LRRC37A2: variants seen among roughly 807,000 people sequenced by gnomAD.
LRRC37A2 encodes leucine rich repeat containing 37 member A2, also known as leucine-rich repeat-containing protein 37A2.
LRRC37A2 carries 9 observed loss-of-function variants against 68.8 expected under a neutral mutation model. The observed-to-expected ratio is 0.13, with a 90% CI of 0.08 to 0.23. The LOEUF is 0.23. LRRC37A2 is among the 10% of genes least tolerant of loss of function. The probability of loss-of-function intolerance (pLI) is 1.00; values close to 1 mark genes in which losing one functional copy is unlikely to be tolerated. For missense variants in LRRC37A2, 168 were observed against 950.4 expected (o/e 0.18, Z 10.82); for synonymous variants, 63 against 367.6 (o/e 0.17, Z 9.48).
the LRRC37A2 span, among the ~76,000 whole-genome samples, chr17:46,709,741 C>T: frequency 6.6e-5 from 10 of 152,082 alleles, no homozygotes; most frequent in African/African-American, 9.7e-5. Context: ...GTGATCCACC[C>T]GCCTCAGCCT....
chr17:46,957,029 C>T, the LRRC37A2 span, among the ~76,000 whole-genome samples: 1 of 152,242 alleles, frequency 6.6e-6, no homozygotes, highest in Admixed American at 6.5e-5. Context: ...CTCCAGAGAG[C>T]TGGGTACGGT....
chr17:46,810,175 T>G, the LRRC37A2 span, among the ~76,000 whole-genome samples: 4 of 151,808 alleles, frequency 2.6e-5, no homozygotes, highest in Non-Finnish European at 4.4e-5. Flanking sequence ...CCCAGCTAAT[T>G]TTTTGTATTT....
At chr17:46,711,122 G>A in the LRRC37A2 span, 1 of 1,492,602 alleles carries the variant, frequency 6.7e-7, no homozygotes, top group Non-Finnish European at 8.9e-7. Context: ...TCTGGAAGGT[G>A]AGAATGAATG....
chr17:46,905,780 T>TTGTGTGTGTGTG, the LRRC37A2 span, among the ~76,000 whole-genome samples: 158 of 117,040 alleles, frequency 1.3e-3, no homozygotes, highest in Admixed American at 0.011. Context: ...CTCTGTGTGT[T>TTGTGTGTGTGTG]TGTGTGTGTG....
the LRRC37A2 span, among the ~76,000 whole-genome samples, chr17:46,947,342 A>G: frequency 1.6e-4 from 24 of 152,174 alleles, no homozygotes; most frequent in African/African-American, 5.8e-4. Context: ...GGCAACCTGA[A>G]CTACCCCTGC....
the LRRC37A2 span, among the ~76,000 whole-genome samples, chr17:46,954,188 A>C: frequency 2.2e-4 from 33 of 152,230 alleles, no homozygotes; most frequent in Non-Finnish European, 3.8e-4. Context: ...GTAAGTCTTT[A>C]ATCCATCTTG....
At chr17:46,883,300 G>GTT in the LRRC37A2 span, among the ~76,000 whole-genome samples, 80 of 129,912 alleles carry the variant, frequency 6.2e-4, no homozygotes, top group Admixed American at 1.4e-3. Flanking sequence ...TTTTTCCTTT[G>GTT]TGAGATGGAG....
At chr17:46,935,169 G>A in the LRRC37A2 span, 1 of 1,614,032 alleles carries the variant, frequency 6.2e-7, no homozygotes, top group East Asian at 2.2e-5. Flanking sequence ...TGACCTTGAA[G>A]GTGGGGTCCC....
At chr17:46,534,074 C>T (rs2054159201) in intron 6 of LRRC37A2, among the ~76,000 whole-genome samples, 1 of 135,646 alleles carries the variant, frequency 7.4e-6, no homozygotes, top group East Asian at 2.1e-4. Flanking sequence ...TGCAGTGGTG[C>T]AACCACTCAC....
chr17:46,971,829 T>C, the LRRC37A2 span, among the ~76,000 whole-genome samples: 1 of 152,220 alleles, frequency 6.6e-6, no homozygotes, highest in Non-Finnish European at 1.5e-5. Flanking sequence ...AACATGTGTT[T>C]GTTCTGTGTG....
the LRRC37A2 span, among the ~76,000 whole-genome samples, chr17:46,493,578 G>T: frequency 1.4e-5 from 2 of 143,966 alleles, no homozygotes; most frequent in Admixed American, 6.9e-5. Flanking sequence ...TCGCTGTGTC[G>T]CCAGGCTGGA....
At chr17:46,976,650 C>G in the LRRC37A2 span, among the ~76,000 whole-genome samples, 1 of 152,176 alleles carries the variant, frequency 6.6e-6, no homozygotes. Flanking sequence ...GAGGAGAGTT[C>G]TCGCAGTGTT....
chr17:46,501,421 C>T, the LRRC37A2 span, among the ~76,000 whole-genome samples: 4 of 151,216 alleles, frequency 2.6e-5, no homozygotes, highest in Non-Finnish European at 4.4e-5. Context: ...ATGATCCACC[C>T]GCCTTCGCCT....
chr17:46,848,751 G>A, the LRRC37A2 span, among the ~76,000 whole-genome samples: 1 of 152,346 alleles, frequency 6.6e-6, no homozygotes, highest in South Asian at 2.1e-4. Flanking sequence ...TGACAGTACC[G>A]CTGGGCTAGG....
the LRRC37A2 span, among the ~76,000 whole-genome samples, chr17:46,786,857 A>G: frequency 6.6e-6 from 1 of 152,046 alleles, no homozygotes; most frequent in Non-Finnish European, 1.5e-5. Context: ...CATTCTAGAA[A>G]CCCTGGTGGG....
At chr17:47,020,130 G>A in the LRRC37A2 span, among the ~76,000 whole-genome samples, 1 of 150,930 alleles carries the variant, frequency 6.6e-6, no homozygotes, top group African/African-American at 2.5e-5. Context: ...CAGTGATGAT[G>A]CTCTAAGTGG....
the LRRC37A2 span, among the ~76,000 whole-genome samples, chr17:47,012,531 T>C: frequency 6.6e-6 from 1 of 151,842 alleles, no homozygotes; most frequent in Non-Finnish European, 1.5e-5. Context: ...TCCAACTCAG[T>C]AATAAAAAGA....
the LRRC37A2 span, among the ~76,000 whole-genome samples, chr17:47,001,998 C>G: frequency 6.6e-6 from 1 of 152,134 alleles, no homozygotes; most frequent in Non-Finnish European, 1.5e-5. Context: ...CTCGGCCCCC[C>G]AAAGTGCTGG....
At chr17:46,492,959 G>T in the LRRC37A2 span, among the ~76,000 whole-genome samples, 3 of 148,690 alleles carry the variant, frequency 2.0e-5, no homozygotes, top group African/African-American at 7.7e-5. Context: ...CTCCCAAAGT[G>T]CTGGGATTAC....
Sources: gnomAD v4.1 joint callset for allele counts (sites outside exome capture counted in the v4.1 genomes callset) on GRCh38, gnomAD v4.1.1 for gene constraint, MANE v1.5 for transcripts, NCBI Gene and HGNC (gene_info 2026-07-23, HGNC 2026-07-21) for gene names.